The following MEGF8 variants were observed in gnomAD, a reference collection of about 807,000 sequenced individuals.
MEGF8 encodes multiple epidermal growth factor-like domains protein 8.
A neutral mutation model predicts 302.9 loss-of-function variants in MEGF8; 156 were observed. The ratio of observed to expected loss-of-function variants is 0.52; its 90% confidence interval spans 0.45 to 0.59. The LOEUF (loss-of-function observed/expected upper bound fraction) is 0.59. MEGF8 is among the 20% of genes least tolerant of loss of function. The probability of loss-of-function intolerance (pLI) is 0.00; values close to 1 mark genes in which losing one functional copy is unlikely to be tolerated. For synonymous variants in MEGF8, 1,621 were observed against 1,660.5 expected (o/e 0.98, Z 0.58); for missense variants, 3,345 against 3,964.5 (o/e 0.84, Z 4.20).
Position 42,362,511 on chromosome 19 carries a change from G to A in MEGF8, c.5972G>A (p.Cys1991Tyr). ...NQREVFWAGN[C>Y]SEAACGAADC... The stretch of plus-strand genomic sequence containing the variant: ...CGAGAGGTCTTCTGGGCAGGGAACT[G>A]CTCCGAGGCTGCGTGCGGGGCTGCT... Residue 1991 changes from cysteine to tyrosine, a missense_variant, in exon 34 of 42, where the codon TGC becomes TAC. Coordinates refer to ENST00000251268, the MANE Select transcript of MEGF8 (RefSeq NM_001271938.2). 6.8e-6 allele frequency: 11 copies of A among 1,613,846 alleles called. No homozygotes were observed. The highest frequency in any genetic ancestry group is 9.3e-6 in the Non-Finnish European group (11 of 1,179,890).
Position 42,334,138 on chromosome 19 carries a change from G to T in MEGF8, c.483G>T (p.Glu161Asp). 2.5e-6 allele frequency: 4 copies of T among 1,611,948 alleles called. No individual in the cohort carries two copies. The highest frequency in any genetic ancestry group is 3.4e-6 in the Non-Finnish European group (4 of 1,179,724). The change falls in exon 3 of 42, where the codon GAG becomes GAT. Residue 161 changes from glutamate (E) to aspartate (D), a missense_variant. By Grantham distance (45) the Glu-to-Asp change is conservative. Coordinates refer to ENST00000251268, the MANE Select transcript of MEGF8 (RefSeq NM_001271938.2). ...AGCCACCGGGTGTGTGTGCCTGCGA[G>T]CCGGGCTGGGGGGGTCCTGACTGTG... ...QCQPPGVCAC[E>D]PGWGGPDCGL...
intron 1 of MEGF8, among the ~76,000 whole-genome samples, chr19:42,330,453 G>T (rs1453409193): frequency 6.6e-6 from 1 of 152,190 alleles, no homozygotes; most frequent in African/African-American, 2.4e-5. Context: ...GGTTGAGGCT[G>T]GTAAGATTCT....
intron 15 of MEGF8, 136 bp downstream of exon 15, chr19:42,350,520 G>A (rs2039353066): frequency 1.3e-6 from 1 of 776,348 alleles, no homozygotes. Context: ...AGCCTGGTGG[G>A]GAGGGTGAGA....
In MEGF8 at chr19:42,325,716, C is replaced by G. The variant is rs1265152816; in HGVS notation, c.-528C>G. On this transcript the variant is annotated 5_prime_UTR_variant, in exon 1 of 42. Transcript: ENST00000251268. ...GGATTGGGTCTGTGGGGTCCAGGCC[C>G]GAACCCCTGAAGACGGGCTCCGCCC... The G allele has an allele frequency of 3.1e-4, 48 of 153,552 alleles. No homozygotes were observed. The Admixed American group carries it at 3.1e-3, about 10-fold the overall frequency. 9.5% of individuals were successfully genotyped at this position (153,552 alleles called of 1,614,324 possible).
Position 42,344,558 on chromosome 19 carries a change from C to T in MEGF8, c.1906C>T (p.His636Tyr). 1 of 1,598,626 alleles carries T rather than the reference C, an allele frequency of 6.3e-7. No individual in the cohort carries two copies. Among genetic ancestry groups the T allele is most frequent in the East Asian group, 2.2e-5 (1 of 44,766 alleles). The change falls in exon 11 of 42, where the codon CAC becomes TAC. Residue 636 changes from histidine (H) to tyrosine (Y), a missense_variant. His to Tyr is a moderately conservative substitution (Grantham distance 83). Transcript: ENST00000251268. The surrounding 1 kb of genome is among the most constrained non-coding windows in gnomAD (Gnocchi z 4.5). Reference protein sequence around the residue: ...RGPGTLGWCVHNESCLPRPEQ... With the variant: ...RGPGTLGWCVYNESCLPRPEQ... Reference sequence around the variant, plus strand: ...ACCTGGCACCCTGGGCTGGTGCGTGCACAATGAGAGCTGCCTCCCTAGGCC... The same window carrying T: ...ACCTGGCACCCTGGGCTGGTGCGTGTACAATGAGAGCTGCCTCCCTAGGCC...
Position 42,362,418 on chromosome 19 carries a change from G to T in MEGF8, c.5879G>T (p.Cys1960Phe). ...STPRCKWCTN[C>F]PEGACIGRNG... ...CCCCGCTGTAAGTGGTGTACCAACT[G>T]CCCCGAAGGTGCTTGCATTGGACGC... Residue 1960 changes from cysteine to phenylalanine, a missense_variant, in exon 34 of 42, where the codon TGC becomes TTC. Cys to Phe is a radical substitution (Grantham distance 205, BLOSUM62 -2). Coordinates refer to ENST00000251268, the MANE Select transcript of MEGF8 (RefSeq NM_001271938.2). 1 of 1,613,982 alleles carries T rather than the reference G, an allele frequency of 6.2e-7. No homozygotes were observed. Among genetic ancestry groups the T allele is most frequent in the Non-Finnish European group, 8.5e-7 (1 of 1,179,880 alleles).
Position 42,368,893 on chromosome 19 carries a change from C to T in MEGF8, c.6532C>T (p.Pro2178Ser). Residue 2178 changes from proline (P) to serine (S), a missense_variant, in exon 37 of 42, where the codon CCT becomes TCT. Coordinates refer to ENST00000251268, the MANE Select transcript of MEGF8 (RefSeq NM_001271938.2). This position sits in a 1 kb window ranked among gnomAD's most constrained non-coding sequence, Gnocchi z 4.9. ...CTCCTGGGCCTTCCTGTCCTGCCCC[C>T]CTGAGGACGAGTGTGCAAACGGGCA... ...GASWAFLSCP[P>S]EDECANGHHD... The T allele has an allele frequency of 6.2e-7, 1 of 1,613,894 alleles. No individual in the cohort carries two copies.
chr19:42,361,614 A>G (rs2039532713), intron 32 of MEGF8, among the ~76,000 whole-genome samples: 1 of 152,158 alleles, frequency 6.6e-6, no homozygotes, highest in South Asian at 2.1e-4. Context: ...AAAATCCAGA[A>G]CAGTCTGAAA....
At position 42,375,832 on chromosome 19, in the gene MEGF8, C is replaced by T; in HGVS notation, c.7595C>T (p.Pro2532Leu). 6.2e-7 allele frequency: 1 copy of T among 1,610,634 alleles called. No individual in the cohort carries two copies. Among genetic ancestry groups the T allele is most frequent in the Non-Finnish European group, 8.5e-7 (1 of 1,179,146 alleles). ...HTVHIQPPPA[P>L]PPPPPPADGG... Reference sequence around the variant, plus strand: ...GTACACATCCAGCCACCCCCAGCCCCACCACCTCCACCACCCCCTGCAGAT... The same window carrying T: ...GTACACATCCAGCCACCCCCAGCCCTACCACCTCCACCACCCCCTGCAGAT... Residue 2532 changes from proline to leucine, a missense_variant, in exon 42 of 42, where the codon CCA becomes CTA. By Grantham distance (98) the Pro-to-Leu change is moderately conservative. Transcript: ENST00000251268. This position sits in a 1 kb window ranked among gnomAD's most constrained non-coding sequence, Gnocchi z 7.1.
In MEGF8 at chr19:42,338,106, T is replaced by G. The variant is rs2039157715; in HGVS notation, c.1513+900T>G. On this transcript the variant is annotated intron_variant, in intron 8 of 41. Transcript: ENST00000251268. ...CATGTGTGAGCCACCATGCTTGGCC[T>G]TTTTAACTTTCAATTTAGGTTCAGT... 2.0e-5 allele frequency among the ~76,000 whole-genome samples: 3 copies of G among 152,088 alleles called. No homozygotes were observed. In the South Asian group the frequency reaches 6.2e-4, roughly 32 times the overall value.
intron 12 of MEGF8, among the ~76,000 whole-genome samples, chr19:42,346,377 A>G (rs1009091848): frequency 7.2e-5 from 11 of 151,912 alleles, no homozygotes; most frequent in South Asian, 2.1e-4. Flanking sequence ...CCCTGTCTCT[A>G]CTAAAACTAC....
At chr19:42,328,589 T>TGTGTGG (rs1281441595) in intron 1 of MEGF8, among the ~76,000 whole-genome samples, 1 of 151,716 alleles carries the variant, frequency 6.6e-6, no homozygotes, top group African/African-American at 2.4e-5. Context: ...TGTGTGTGTG[T>TGTGTGG]GGCGAAGGGG....
At position 42,352,217 on chromosome 19, in the gene MEGF8, G is replaced by C. The variant is rs2039385098; in HGVS notation, c.3111G>C (p.Gln1037His). The change falls in exon 19 of 42, where the codon CAG becomes CAC. Residue 1037 changes from glutamine (Q) to histidine (H), a missense_variant. Coordinates refer to ENST00000251268, the MANE Select transcript of MEGF8 (RefSeq NM_001271938.2). The surrounding 1 kb of genome is among the most constrained non-coding windows in gnomAD (Gnocchi z 4.4). ...CTCTCCCACCCTGCAGGTGCCTACAGGGGGACTTCTCAGGGCCCCTCGGTG... is the reference window on the plus strand; with the variant it reads ...CTCTCCCACCCTGCAGGTGCCTACACGGGGACTTCTCAGGGCCCCTCGGTG... ...EDNPTLGRCL[Q>H]GDFSGPLGGG... is the part of the protein sequence containing the mutation. 5 of 1,539,542 alleles carry C rather than the reference G, an allele frequency of 3.2e-6. No homozygotes were observed. The highest frequency in any genetic ancestry group is 4.4e-6 in the Non-Finnish European group (5 of 1,137,924).
chr19:42,336,471 C>A lies in MEGF8; in HGVS notation c.1244+125C>A. ...GTGGTCTCTCAGTCACTCCTTCCTT[C>A]ATGTATTTACTTATTCCTTCGTTCA... is the stretch of plus-strand genomic sequence containing the variant. On this transcript the variant is annotated intron_variant, in intron 6 of 41. Coordinates refer to ENST00000251268, the MANE Select transcript of MEGF8 (RefSeq NM_001271938.2). The surrounding 1 kb of genome is among the most constrained non-coding windows in gnomAD (Gnocchi z 4.8). The A allele has an allele frequency of 1.0e-6, 1 of 991,456 alleles. No individual in the cohort carries two copies. Among genetic ancestry groups the A allele is most frequent in the Non-Finnish European group, 1.4e-6 (1 of 696,678 alleles). The allele number at this position is 991,456 out of a possible 1,614,324, so 61.4% of individuals were successfully genotyped here. A position where few individuals can be genotyped will look rare whatever the true frequency, so the allele number is the denominator to read the frequency against.
rs556868157 is a variant in MEGF8, at chr19:42,335,445, C to T, written c.828+60C>T. The T allele has an allele frequency of 1.7e-5, 26 of 1,510,528 alleles. No homozygotes were observed. The Admixed American group carries it at 1.9e-4, about 11-fold the overall frequency. 93.6% of individuals were successfully genotyped at this position (1,510,528 alleles called of 1,614,324 possible). A position where few individuals can be genotyped will look rare whatever the true frequency, so the allele number is the denominator to read the frequency against. ...CCACTCAATCAGACCCAGCCGGGGACCCCCGGAATGATCCCCTATCACCTA... is the reference window on the plus strand; with the variant it reads ...CCACTCAATCAGACCCAGCCGGGGATCCCCGGAATGATCCCCTATCACCTA... On this transcript the variant is annotated intron_variant, in intron 5 of 41. Coordinates refer to ENST00000251268, the MANE Select transcript of MEGF8 (RefSeq NM_001271938.2).
Position 42,368,412 on chromosome 19 carries a change from A to C in MEGF8, c.6274-43A>C, listed in dbSNP as rs1568575335. On this transcript the variant is annotated intron_variant, in intron 35 of 41. Transcript: ENST00000251268. This position sits in a 1 kb window ranked among gnomAD's most constrained non-coding sequence, Gnocchi z 4.9. ...TGTGTTTGTTTAAGCTTATTTCCCC[A>C]TCTCTCTCTTCCCTGCATCCCCATC... 1 of 1,480,942 alleles carries C rather than the reference A, an allele frequency of 6.8e-7. No individual in the cohort carries two copies. The highest frequency in any genetic ancestry group is 9.1e-7 in the Non-Finnish European group (1 of 1,094,564). 91.7% of individuals were successfully genotyped at this position (1,480,942 alleles called of 1,614,324 possible).
intron 41 of MEGF8, among the ~76,000 whole-genome samples, chr19:42,374,294 A>G (rs1453504153): frequency 6.6e-6 from 1 of 151,988 alleles, no homozygotes; most frequent in Non-Finnish European, 1.5e-5. Flanking sequence ...AACATGGTGA[A>G]ACCCCTTCTC....
In MEGF8 at chr19:42,356,910, C is replaced by A. The variant is rs764292493; in HGVS notation, c.4759C>A (p.Leu1587Ile). Residue 1587 changes from leucine (L) to isoleucine (I), a missense_variant, in exon 27 of 42, where the codon CTT (leucine) becomes ATT (isoleucine). Physicochemically the swap from Leu to Ile is conservative, Grantham distance 5. Coordinates refer to ENST00000251268, the MANE Select transcript of MEGF8 (RefSeq NM_001271938.2). The surrounding 1 kb of genome is among the most constrained non-coding windows in gnomAD (Gnocchi z 5.2). ...TGGTGCCATGTATCTGCTGGGGGGA[C>A]TTACCGCTGGAGGCGTCACCCGTGA... Reference protein sequence around the residue: ...GRGAMYLLGGLTAGGVTRDFW... With the variant: ...GRGAMYLLGGITAGGVTRDFW... 1.2e-6 allele frequency: 2 copies of A among 1,610,432 alleles called. No homozygotes were observed. Among genetic ancestry groups the A allele is most frequent in the East Asian group, 4.5e-5 (2 of 44,794 alleles).
chr19:42,346,921 C>T (rs2039296821), intron 12 of MEGF8, among the ~76,000 whole-genome samples: 1 of 140,774 alleles, frequency 7.1e-6, no homozygotes, highest in Non-Finnish European at 1.5e-5. Flanking sequence ...AGAGGTGGAG[C>T]TTGCAGTCAG....
Sources: gnomAD v4.1 joint callset for allele counts (sites outside exome capture counted in the v4.1 genomes callset) on GRCh38, gnomAD v4.1.1 for gene constraint, Gnocchi (gnomAD v3.1) non-coding constraint, MANE v1.5 for transcripts, NCBI Gene and HGNC (gene_info 2026-07-23, HGNC 2026-07-21) for gene names.